The following RBFOX1 variants were observed in gnomAD, a reference collection of about 807,000 sequenced individuals.
RBFOX1 encodes the protein RNA binding fox-1 homolog 1.
Under a neutral mutation model 57.7 loss-of-function variants are expected in RBFOX1, and 8 were observed. The ratio of observed to expected loss-of-function variants is 0.14; its 90% CI spans 0.08 to 0.25. The LOEUF (loss-of-function observed/expected upper bound fraction) is 0.25, where lower values mean the gene tolerates loss of function less well. Among genes scored for constraint, RBFOX1 ranks in the 10% least tolerant of loss-of-function variants. The pLI is 1.00. For synonymous variants in RBFOX1, 326 were observed against 222.4 expected (o/e 1.47, Z -4.15); for missense variants, 611 against 548.5 (o/e 1.11, Z -1.14).
intron 2 of RBFOX1, among the ~76,000 whole-genome samples, chr16:6,372,596 G>C (rs998489474): frequency 6.6e-6 from 1 of 150,790 alleles, no homozygotes; most frequent in Non-Finnish European, 1.5e-5. Flanking sequence ...TTGGATGGAA[G>C]GATAGTTCAT....
chr16:6,909,254 T>C (rs1416035685), intron 3 of RBFOX1, among the ~76,000 whole-genome samples: 2 of 152,146 alleles, frequency 1.3e-5, no homozygotes, highest in Non-Finnish European at 2.9e-5. Flanking sequence ...GCCCTTTTCA[T>C]CTTCAAAGCC....
intron 4 of RBFOX1, among the ~76,000 whole-genome samples, chr16:7,296,644 T>C (rs1249724257): frequency 2.0e-5 from 3 of 152,202 alleles, no homozygotes; most frequent in Non-Finnish European, 4.4e-5. Flanking sequence ...AACACCTGCA[T>C]GATGGGCATA....
In RBFOX1 at chr16:6,982,555, C is replaced by T. The variant is rs892574437; in HGVS notation, c.-15-69502C>T. The stretch of plus-strand genomic sequence containing the variant: ...GTTCATCATCCTTTTGATGGAATCT[C>T]CCTGTTAGTAGTTCCAAATCATAGT... On this transcript the variant is annotated intron_variant, in intron 3 of 15. Coordinates refer to ENST00000550418, the MANE Select transcript of RBFOX1 (RefSeq NM_018723.4). Among the ~76,000 whole-genome samples, 10 of 152,288 alleles carry T rather than the reference C, an allele frequency of 6.6e-5. 1 individual carries two copies. The highest frequency in any genetic ancestry group is 3.4e-3 in the Middle Eastern group (1 of 294).
chr16:6,920,378 A>T (rs565689890), intron 3 of RBFOX1, among the ~76,000 whole-genome samples: 10 of 152,154 alleles, frequency 6.6e-5, no homozygotes, highest in Admixed American at 4.6e-4. Flanking sequence ...TCTCTTCTGC[A>T]TGAAACCAGA....
At chr16:5,927,019 C>T (rs554004199) in intron 4 of RBFOX1, among the ~76,000 whole-genome samples, 1 of 152,282 alleles carries the variant, frequency 6.6e-6, no homozygotes, top group Admixed American at 6.5e-5. Context: ...TTTCCACAAA[C>T]CTCTTTATTT....
intron 2 of RBFOX1, among the ~76,000 whole-genome samples, chr16:6,460,357 C>G (rs2094888689): frequency 6.6e-6 from 1 of 151,178 alleles, no homozygotes; most frequent in Non-Finnish European, 1.5e-5. Flanking sequence ...ATCCGTCTGA[C>G]AAAGGTCTAA....
chr16:5,629,535 G>A (rs181926888), intron 3 of RBFOX1, among the ~76,000 whole-genome samples: 2 of 152,352 alleles, frequency 1.3e-5, no homozygotes, highest in Non-Finnish European at 2.9e-5. Context: ...AGTAGCAAAG[G>A]AAGAATGGAG....
chr16:7,192,913 G>A (rs1315954376), intron 4 of RBFOX1, among the ~76,000 whole-genome samples: 1 of 152,194 alleles, frequency 6.6e-6, no homozygotes. Flanking sequence ...ACCCTCTTCT[G>A]AGAACAATGT....
intron 3 of RBFOX1, among the ~76,000 whole-genome samples, chr16:5,749,873 G>A (rs1467765685): frequency 6.6e-6 from 1 of 152,230 alleles, no homozygotes; most frequent in Non-Finnish European, 1.5e-5. Context: ...ACTCGTCGAA[G>A]TCATTCTCCG....
Position 6,355,875 on chromosome 16 carries a change from G to C in RBFOX1, c.-64+38818G>C, listed in dbSNP as rs191094583. Reference sequence around the variant, plus strand: ...GAAGTTGGTATATACAAAATGATCAGGAGCAACTTCTATTTCCAAAAACTA... The same window carrying C: ...GAAGTTGGTATATACAAAATGATCACGAGCAACTTCTATTTCCAAAAACTA... On this transcript the variant is annotated intron_variant, in intron 2 of 15. Coordinates refer to ENST00000550418, the MANE Select transcript of RBFOX1 (RefSeq NM_018723.4). Among the ~76,000 whole-genome samples the C allele has an allele frequency of 5.3e-5, 8 of 152,262 alleles. No homozygotes were observed. The East Asian group carries it at 1.5e-3, about 29-fold the overall frequency.
intron 2 of RBFOX1, among the ~76,000 whole-genome samples, chr16:6,425,021 G>A (rs2093884671): frequency 6.6e-6 from 1 of 152,168 alleles, no homozygotes; most frequent in African/African-American, 2.4e-5. Flanking sequence ...TGAAGATGTG[G>A]ATGAACTAAA....
At chr16:6,941,622 C>A (rs1209101660) in intron 3 of RBFOX1, among the ~76,000 whole-genome samples, 1 of 151,826 alleles carries the variant, frequency 6.6e-6, no homozygotes, top group East Asian at 2.0e-4. Context: ...CTCTGCCCTT[C>A]ATACCTGTTG....
intron 1 of RBFOX1, among the ~76,000 whole-genome samples, chr16:6,170,991 T>G (rs2096956085): frequency 6.6e-6 from 1 of 152,224 alleles, no homozygotes; most frequent in African/African-American, 2.4e-5. Context: ...TGTCTGTGAT[T>G]GATGGGCATT....
intron 1 of RBFOX1, among the ~76,000 whole-genome samples, chr16:6,066,275 C>T (rs1291799561): frequency 9.8e-6 from 1 of 102,166 alleles, no homozygotes; most frequent in African/African-American, 4.3e-5. Context: ...AGCCTGACTA[C>T]AGAGCAAGAC....
chr16:5,489,905 C>T (rs972878237), intron 2 of RBFOX1, among the ~76,000 whole-genome samples: 1 of 152,232 alleles, frequency 6.6e-6, no homozygotes, highest in African/African-American at 2.4e-5. Context: ...ACCTTCTTGG[C>T]ACCTTAAGCG....
At chr16:6,631,212 G>A (rs568682511) in intron 2 of RBFOX1, among the ~76,000 whole-genome samples, 1 of 152,084 alleles carries the variant, frequency 6.6e-6, no homozygotes, top group Admixed American at 6.5e-5. Context: ...AAGAACTGGA[G>A]GTTAAGTGAT....
At chr16:7,639,520 A>G (rs2062394221) in intron 11 of RBFOX1, among the ~76,000 whole-genome samples, 1 of 152,116 alleles carries the variant, frequency 6.6e-6, no homozygotes, top group Non-Finnish European at 1.5e-5. Flanking sequence ...GCAATTCTAC[A>G]TCCTGAAAAT....
chr16:6,556,052 C>G (rs2097093900), intron 2 of RBFOX1, among the ~76,000 whole-genome samples: 1 of 152,276 alleles, frequency 6.6e-6, no homozygotes, highest in African/African-American at 2.4e-5. Flanking sequence ...CATTTTGAGA[C>G]TAGTGAAACT....
intron 4 of RBFOX1, among the ~76,000 whole-genome samples, chr16:7,314,851 C>CT (rs974547161): frequency 6.6e-6 from 1 of 152,070 alleles, no homozygotes; most frequent in Non-Finnish European, 1.5e-5. Flanking sequence ...AAAAATGATT[C>CT]TTTTTCAATT....
Sources: allele counts gnomAD v4.1 joint callset (sites outside exome capture counted in the v4.1 genomes callset), GRCh38; gene constraint gnomAD v4.1.1; transcripts MANE v1.5; gene names NCBI Gene and HGNC (gene_info 2026-07-23, HGNC 2026-07-21).